Variants in ITPRID1 observed in about 807,000 individuals in gnomAD.
ITPRID1 encodes the protein protein ITPRID1.
Under a neutral mutation model 95.4 loss-of-function variants are expected in ITPRID1, and 96 were observed. The observed-to-expected ratio is 1.01, with a 90% confidence interval of 0.85 to 1.19. The LOEUF is 1.19. Among genes scored for constraint, ITPRID1 ranks in the 50% most tolerant of loss-of-function variants. The probability of loss-of-function intolerance (pLI) is 0.00; values close to 1 mark genes in which losing one functional copy is unlikely to be tolerated. For missense variants in ITPRID1, 1,339 were observed against 1,252.9 expected, an observed-to-expected ratio of 1.07 and a Z score of -1.04; for synonymous variants, 510 against 453.6, an observed-to-expected ratio of 1.12 and a Z score of -1.58.
intron 10 of ITPRID1, among the ~76,000 whole-genome samples, chr7:31,613,702 G>T (rs1583573977): frequency 2.0e-5 from 3 of 152,044 alleles, no homozygotes; most frequent in Non-Finnish European, 4.4e-5. Context: ...TCTATCTAAA[G>T]CCAAATCCAG....
intron 10 of ITPRID1, among the ~76,000 whole-genome samples, chr7:31,615,131 C>A (rs1348323691): frequency 6.6e-6 from 1 of 152,090 alleles, no homozygotes; most frequent in African/African-American, 2.4e-5. Flanking sequence ...TAATCCAGAA[C>A]TTAGTCCTTA....
At chr7:31,523,917 G>A (rs1303981271) in intron 1 of ITPRID1, among the ~76,000 whole-genome samples, 1 of 152,110 alleles carries the variant, frequency 6.6e-6, no homozygotes, top group African/African-American at 2.4e-5. Context: ...TCTTACTAAG[G>A]TTTGCTGACC....
At chr7:31,594,820 G>A (rs1218840708) in intron 10 of ITPRID1, among the ~76,000 whole-genome samples, 2 of 151,428 alleles carry the variant, frequency 1.3e-5, no homozygotes, top group Admixed American at 6.6e-5. Context: ...TCGTGCCACT[G>A]CACTCCAGCC....
At chr7:31,541,516 G>A (rs928608654) in intron 1 of ITPRID1, among the ~76,000 whole-genome samples, 1 of 152,022 alleles carries the variant, frequency 6.6e-6, no homozygotes, top group Non-Finnish European at 1.5e-5. Context: ...GTACCTTTGC[G>A]GCACACAACA....
chr7:31,615,346 T>C (rs1216160182), intron 10 of ITPRID1, among the ~76,000 whole-genome samples: 2 of 152,140 alleles, frequency 1.3e-5, no homozygotes, highest in African/African-American at 4.8e-5. Flanking sequence ...ACCTCAATGT[T>C]CCCATCTTCA....
In ITPRID1 at chr7:31,642,898, G is replaced by A. The variant is rs751857025; in HGVS notation, c.1528G>A (p.Ala510Thr). 13 of 1,614,002 alleles carry A rather than the reference G, an allele frequency of 8.1e-6. No individual in the cohort carries two copies. Among genetic ancestry groups the A allele is most frequent in the African/African-American group, 1.3e-5 (1 of 75,046 alleles). The change falls in exon 12 of 15, where the codon GCC becomes ACC. Residue 510 changes from alanine to threonine, a missense_variant. By Grantham distance (58) the Ala-to-Thr change is moderately conservative. Coordinates refer to ENST00000615280, the MANE Select transcript of ITPRID1 (RefSeq NM_001257967.3). ...GATGGAGGAAGAGTTTCTGCTTGAG[G>A]CCATGGAGGGGCCACCAGAGCTGTA... The part of the protein sequence containing the change: ...SVMEEEFLLE[A>T]MEGPPELYIP...
Position 31,653,118 on chromosome 7 carries a change from T to A in ITPRID1, c.*289T>A. 1.9e-6 allele frequency: 1 copy of A among 528,932 alleles called. No homozygotes were observed. The highest frequency in any genetic ancestry group is 2.8e-6 in the Non-Finnish European group (1 of 354,350). The allele number at this position is 528,932 out of a possible 1,614,324, so 32.8% of individuals were successfully genotyped here. A position where few individuals can be genotyped will look rare whatever the true frequency, so the allele number is the denominator to read the frequency against. Reference sequence around the variant, plus strand: ...TTACAGTGTAGTGGGGGAGATAGAATTGCAAACAAAAAGTATCTGAGACAG... The same window carrying A: ...TTACAGTGTAGTGGGGGAGATAGAAATGCAAACAAAAAGTATCTGAGACAG... On this transcript the variant is annotated 3_prime_UTR_variant, in exon 15 of 15. Coordinates refer to ENST00000615280, the MANE Select transcript of ITPRID1 (RefSeq NM_001257967.3).
intron 1 of ITPRID1, among the ~76,000 whole-genome samples, chr7:31,530,582 A>T (rs1783565392): frequency 6.6e-6 from 1 of 152,152 alleles, no homozygotes; most frequent in Non-Finnish European, 1.5e-5. Context: ...ATTGCCTTTT[A>T]TTTCTATTTG....
chr7:31,545,262 C>A (rs986134048), intron 1 of ITPRID1, among the ~76,000 whole-genome samples: 2 of 152,018 alleles, frequency 1.3e-5, no homozygotes, highest in Admixed American at 6.6e-5. Context: ...CATCTTGGAA[C>A]AAGTAGTTCT....
chr7:31,556,955 TC>T (rs1238881540), intron 5 of ITPRID1, among the ~76,000 whole-genome samples: 1 of 151,972 alleles, frequency 6.6e-6, no homozygotes, highest in African/African-American at 2.4e-5. Context: ...CCTCCTGGTT[TC>T]TTTCTAGTTT....
chr7:31,517,008 G>T (rs7780851), intron 1 of ITPRID1, among the ~76,000 whole-genome samples: 37,683 of 152,118 alleles, frequency 0.25, 4,871 homozygotes, highest in Middle Eastern at 0.36. Flanking sequence ...TGAAACTACA[G>T]ACCTCTACCG....
At chr7:31,620,938 G>C (rs1346764905) in intron 10 of ITPRID1, among the ~76,000 whole-genome samples, 1 of 151,998 alleles carries the variant, frequency 6.6e-6, no homozygotes, top group Non-Finnish European at 1.5e-5. Flanking sequence ...GAAAGCCAAG[G>C]CTCAAGAACT....
At position 31,575,121 on chromosome 7, in the gene ITPRID1, C is replaced by G. The variant is rs543506447; in HGVS notation, c.598+379C>G. ...GCCAAAATAAGTCACATGGCCACAC[C>G]TAACTCCAAGTGGGTGGGAATGTAC... is the stretch of plus-strand genomic sequence containing the variant. On this transcript the variant is annotated intron_variant, in intron 8 of 14. Transcript: ENST00000615280. Among the ~76,000 whole-genome samples the G allele has an allele frequency of 9.2e-5, 14 of 152,268 alleles. No individual in the cohort carries two copies. In the South Asian group the frequency reaches 2.9e-3, roughly 32 times the overall value.
At chr7:31,573,578 C>T (rs1478716101) in intron 7 of ITPRID1, among the ~76,000 whole-genome samples, 1 of 151,894 alleles carries the variant, frequency 6.6e-6, no homozygotes, top group Non-Finnish European at 1.5e-5. Flanking sequence ...CAAATAGGCT[C>T]ATTATTGTTG....
At chr7:31,611,934 C>T (rs1270111948) in intron 10 of ITPRID1, among the ~76,000 whole-genome samples, 2 of 151,838 alleles carry the variant, frequency 1.3e-5, no homozygotes, top group East Asian at 3.9e-4. Flanking sequence ...TTGAAATATT[C>T]TTTATGCCTT....
chr7:31,637,619 G>A (rs1471925890), intron 10 of ITPRID1, among the ~76,000 whole-genome samples: 3 of 152,102 alleles, frequency 2.0e-5, no homozygotes, highest in Admixed American at 6.5e-5. Flanking sequence ...TGAGTTCATT[G>A]TAGATTCTGG....
chr7:31,626,305 C>T (rs1044967932), intron 10 of ITPRID1, among the ~76,000 whole-genome samples: 2 of 152,268 alleles, frequency 1.3e-5, no homozygotes, highest in South Asian at 2.1e-4. Flanking sequence ...AACTGCATAA[C>T]TCCTTTTGAA....
In ITPRID1 at chr7:31,655,819, C is replaced by G. The variant is rs750369406; in HGVS notation, c.*2990C>G. 3 of 985,548 alleles carry G rather than the reference C, an allele frequency of 3.0e-6. No homozygotes were observed. Among genetic ancestry groups the G allele is most frequent in the Non-Finnish European group, 3.6e-6 (3 of 829,960 alleles). The allele number at this position is 985,548 out of a possible 1,614,324, so 61.1% of individuals were successfully genotyped here. On this transcript the variant is annotated 3_prime_UTR_variant, in exon 15 of 15. Transcript: ENST00000615280. ...GACCTCCCCTTCTCCATGTAGACTC[C>G]GAGCTCTCCTGCAGTTTCTTCCTTG...
intron 1 of ITPRID1, among the ~76,000 whole-genome samples, chr7:31,544,000 T>C (rs553335197): frequency 6.6e-6 from 1 of 152,132 alleles, no homozygotes; most frequent in Non-Finnish European, 1.5e-5. Context: ...GTTAAAGAGA[T>C]GATCTTTTCT....
Sources: allele counts gnomAD v4.1 joint callset (sites outside exome capture counted in the v4.1 genomes callset), GRCh38; gene constraint gnomAD v4.1.1; transcripts MANE v1.5; gene names NCBI Gene and HGNC (gene_info 2026-07-23, HGNC 2026-07-21).